MIPEP: variants seen among roughly 807,000 people sequenced by gnomAD.
The protein encoded by MIPEP is mitochondrial intermediate peptidase.
A neutral mutation model predicts 90.3 loss-of-function variants in MIPEP; 79 were observed. The observed-to-expected ratio is 0.87, with a 90% CI of 0.73 to 1.05. The LOEUF (loss-of-function observed/expected upper bound fraction) is 1.05. MIPEP is among the 50% of genes least tolerant of loss of function. MIPEP has a pLI of 0.00. For synonymous variants in MIPEP, 334 were observed against 315.8 expected, an observed-to-expected ratio of 1.06 and a Z score of -0.61; for missense variants, 940 against 905.6, an observed-to-expected ratio of 1.04 and a Z score of -0.49.
intron 14 of MIPEP, among the ~76,000 whole-genome samples, chr13:23,826,834 T>C (rs946734057): frequency 1.3e-5 from 2 of 152,204 alleles, no homozygotes; most frequent in African/African-American, 2.4e-5. Flanking sequence ...ATTGGTTCTT[T>C]GAAAATACAG....
intron 18 of MIPEP, among the ~76,000 whole-genome samples, chr13:23,750,963 T>C (rs571600478): frequency 6.6e-6 from 1 of 152,334 alleles, no homozygotes; most frequent in African/African-American, 2.4e-5. Flanking sequence ...TCTGGCACTA[T>C]AAGATGCTTC....
At chr13:23,827,986 A>G (rs1042626159) in intron 14 of MIPEP, among the ~76,000 whole-genome samples, 2 of 152,232 alleles carry the variant, frequency 1.3e-5, no homozygotes, top group South Asian at 4.1e-4. Context: ...GCATTAAAAA[A>G]TAACTATTAT....
intron 16 of MIPEP, among the ~76,000 whole-genome samples, chr13:23,781,529 G>C (rs1160731570): frequency 6.6e-6 from 1 of 152,168 alleles, no homozygotes; most frequent in Non-Finnish European, 1.5e-5. Context: ...ATCGATGCTA[G>C]GAAGAAACTG....
At chr13:23,755,623 C>A (rs1166783444) in intron 18 of MIPEP, among the ~76,000 whole-genome samples, 1 of 152,100 alleles carries the variant, frequency 6.6e-6, no homozygotes, top group Non-Finnish European at 1.5e-5. Context: ...TATCTAGTAA[C>A]ATTCATATCT....
intron 10 of MIPEP, among the ~76,000 whole-genome samples, chr13:23,852,417 AATCACAAGCCAGGTAACAACAC>A (rs1566017658): frequency 6.6e-6 from 1 of 152,238 alleles, no homozygotes; most frequent in Non-Finnish European, 1.5e-5. Flanking sequence ...CCTTTAAAGT[AATCACAAGCCAGGTAACAACAC>A]TTCTGTCAGC....
chr13:23,793,822 G>C (rs1210754217), intron 16 of MIPEP, among the ~76,000 whole-genome samples: 13 of 151,760 alleles, frequency 8.6e-5, no homozygotes, highest in Admixed American at 7.9e-4. Context: ...AGCACTCCAG[G>C]CAGCAGAAAC....
At chr13:23,813,689 T>C (rs955595420) in intron 14 of MIPEP, among the ~76,000 whole-genome samples, 5 of 151,970 alleles carry the variant, frequency 3.3e-5, no homozygotes, top group African/African-American at 4.8e-5. Context: ...CTCGAACTCC[T>C]GGGCTCAAAG....
intron 16 of MIPEP, among the ~76,000 whole-genome samples, chr13:23,768,885 T>A (rs989240578): frequency 3.9e-5 from 6 of 152,146 alleles, no homozygotes; most frequent in African/African-American, 1.4e-4. Flanking sequence ...CCCCTGGAAA[T>A]ACAGGATTGT....
chr13:23,784,518 C>A (rs1474223885), intron 16 of MIPEP, among the ~76,000 whole-genome samples: 1 of 152,120 alleles, frequency 6.6e-6, no homozygotes, highest in African/African-American at 2.4e-5. Flanking sequence ...CATGTTAGAC[C>A]TAAAACCATA....
chr13:23,797,735 C>G (rs934613914), intron 16 of MIPEP, among the ~76,000 whole-genome samples: 3 of 152,166 alleles, frequency 2.0e-5, no homozygotes, highest in African/African-American at 7.2e-5. Context: ...GTACCTTTTT[C>G]TCATTAATGT....
At position 23,730,295 on chromosome 13, in the gene MIPEP, TA is replaced by T; in HGVS notation, c.*52del. On this transcript the variant is annotated 3_prime_UTR_variant, in exon 19 of 19. Coordinates refer to ENST00000382172, the MANE Select transcript of MIPEP (RefSeq NM_005932.4). ...CAAGCTCTCACAGCTGTAGCATTTA[TA>T]ACAAAGTCATTATCTACATGACCTT... is the stretch of plus-strand genomic sequence containing the variant. 1.7e-6 allele frequency: 2 copies of T among 1,201,106 alleles called. No individual in the cohort carries two copies. The highest frequency in any genetic ancestry group is 2.4e-6 in the Non-Finnish European group (2 of 819,330). The allele number at this position is 1,201,106 out of a possible 1,614,324, so 74.4% of individuals were successfully genotyped here. A position where few individuals can be genotyped will look rare whatever the true frequency, so the allele number is the denominator to read the frequency against.
chr13:23,787,825 A>G (rs896064665), intron 16 of MIPEP, among the ~76,000 whole-genome samples: 3 of 152,202 alleles, frequency 2.0e-5, no homozygotes, highest in Admixed American at 6.5e-5. Context: ...AATGGATGTT[A>G]TATCTAGAAC....
intron 4 of MIPEP, 115 bp from the exon 5 acceptor site, chr13:23,875,024 CAA>C: frequency 2.4e-6 from 1 of 418,462 alleles, no homozygotes; most frequent in Non-Finnish European, 4.1e-6. Context: ...AAAGTTTCTT[CAA>C]AACACACACA....
chr13:23,831,164 G>A (rs1401834552), intron 14 of MIPEP, among the ~76,000 whole-genome samples: 25 of 152,146 alleles, frequency 1.6e-4, no homozygotes. Context: ...GATGGGAACA[G>A]AACCTTAGAA....
chr13:23,813,681 C>T (rs573526523), intron 14 of MIPEP, among the ~76,000 whole-genome samples: 13 of 152,104 alleles, frequency 8.5e-5, no homozygotes, highest in South Asian at 6.2e-4. Flanking sequence ...ACTGCATCCT[C>T]GAACTCCTGG....
intron 16 of MIPEP, among the ~76,000 whole-genome samples, chr13:23,784,391 G>A (rs1384379910): frequency 1.3e-5 from 2 of 152,172 alleles, no homozygotes; most frequent in East Asian, 3.9e-4. Flanking sequence ...ATGGGGAAAG[G>A]ATTCCCTCTT....
intron 16 of MIPEP, among the ~76,000 whole-genome samples, chr13:23,764,402 G>A (rs565432456): frequency 5.9e-5 from 9 of 152,176 alleles, no homozygotes; most frequent in Admixed American, 1.3e-4. Flanking sequence ...CTAATGCCAC[G>A]ATTTTCCAGG....
chr13:23,772,036 TCCGTAA>T (rs1411046354), intron 16 of MIPEP, among the ~76,000 whole-genome samples: 1 of 149,770 alleles, frequency 6.7e-6, no homozygotes, highest in African/African-American at 2.6e-5. Context: ...CCTCCAGGAA[TCCGTAA>T]CAACTGCCCC....
At chr13:23,854,061 C>T (rs1246592097) in intron 10 of MIPEP, among the ~76,000 whole-genome samples, 1 of 151,838 alleles carries the variant, frequency 6.6e-6, no homozygotes, top group Non-Finnish European at 1.5e-5. Context: ...CGCGGTGGCT[C>T]ACGCCTGTAA....
Sources: allele counts gnomAD v4.1 joint callset (sites outside exome capture counted in the v4.1 genomes callset), GRCh38; gene constraint gnomAD v4.1.1; transcripts MANE v1.5; gene names NCBI Gene and HGNC (gene_info 2026-07-23, HGNC 2026-07-21).